TNR: variants seen among roughly 807,000 people sequenced by gnomAD.
TNR encodes the protein tenascin-R.
In TNR, 45 loss-of-function variants were observed where a neutral mutation model predicts 150.4. The ratio of observed to expected loss-of-function variants is 0.30; its 90% CI spans 0.24 to 0.38. The LOEUF is 0.38. TNR is among the 10% of genes least tolerant of loss of function. The pLI, the probability that TNR is intolerant of heterozygous loss-of-function variation, is 1.00. For synonymous variants in TNR, 687 were observed against 678.4 expected, an observed-to-expected ratio of 1.01 and a Z score of -0.20; for missense variants, 1,544 against 1,759.1, an observed-to-expected ratio of 0.88 and a Z score of 2.19.
rs1186112650 is a variant in TNR, at chr1:175,743,262, C to T, written c.-201G>A. 6.6e-6 allele frequency: 1 copy of T among 152,320 alleles called. No homozygotes were observed. Among genetic ancestry groups the T allele is most frequent in the African/African-American group, 2.4e-5 (1 of 41,480 alleles). 9.4% of individuals were successfully genotyped at this position (152,320 alleles called of 1,614,324 possible). On this transcript the variant is annotated 5_prime_UTR_variant, in exon 1 of 23. Transcript: ENST00000367674. ...GTGGGCGGCCGGGGAGCGAGAGGAG[C>T]TTCCTGGGAAGAAAATTCTTGCTTG...
chr1:175,507,457 T>C (rs1223308283), intron 2 of TNR, among the ~76,000 whole-genome samples: 1 of 152,172 alleles, frequency 6.6e-6, no homozygotes, highest in Non-Finnish European at 1.5e-5. Flanking sequence ...TCCTTTGATA[T>C]CATCACCTGA....
Position 175,685,871 on chromosome 1 carries a change from C to T in TNR, c.-165+57355G>A, listed in dbSNP as rs200353599. 1.3e-4 allele frequency among the ~76,000 whole-genome samples: 20 copies of T among 150,868 alleles called. No individual in the cohort carries two copies. The East Asian group carries it at 3.3e-3, about 25-fold the overall frequency. On this transcript the variant is annotated intron_variant, in intron 1 of 22. Coordinates refer to ENST00000367674, the MANE Select transcript of TNR (RefSeq NM_003285.3). ...ATTAGCTGTTTTTTTTTTTTAAGTC[C>T]CCTGACACTGTGGTTCTCATGTGTT...
chr1:175,401,414 C>A (rs1210122672), intron 4 of TNR, among the ~76,000 whole-genome samples: 1 of 152,116 alleles, frequency 6.6e-6, no homozygotes, highest in Non-Finnish European at 1.5e-5. Context: ...GTCAGCCTGG[C>A]TTCCCAGAAG....
intron 1 of TNR, among the ~76,000 whole-genome samples, chr1:175,687,889 A>G (rs1016421841): frequency 5.9e-5 from 9 of 152,012 alleles, no homozygotes. Flanking sequence ...ATACGCTCCA[A>G]TCTTCCAGCA....
chr1:175,634,368 C>T (rs889548652), intron 1 of TNR, among the ~76,000 whole-genome samples: 1 of 152,210 alleles, frequency 6.6e-6, no homozygotes, highest in Admixed American at 6.5e-5. Context: ...CAGCCTTGCC[C>T]TCTGTCTCAC....
At chr1:175,645,085 T>G (rs1056569647) in intron 1 of TNR, among the ~76,000 whole-genome samples, 1 of 146,278 alleles carries the variant, frequency 6.8e-6, no homozygotes. Flanking sequence ...ACTGAATTTT[T>G]TATTACAATT....
intron 1 of TNR, among the ~76,000 whole-genome samples, chr1:175,647,175 C>T (rs1025384630): frequency 6.6e-6 from 1 of 152,202 alleles, no homozygotes. Flanking sequence ...AAAACAGCAA[C>T]TGATTTCGCC....
rs555269808 is a variant in TNR, at chr1:175,579,133, T to TC, written c.-164-50765dup. Reference sequence around the variant, plus strand: ...AGTCCTCCCTCTCTCCCTCCCTCCCTCCCTTCCTCCTATCCTTCCCTTCGT... The same window carrying TC: ...AGTCCTCCCTCTCTCCCTCCCTCCCTCCCCTTCCTCCTATCCTTCCCTTCGT... On this transcript the variant is annotated intron_variant, in intron 1 of 22. Coordinates refer to ENST00000367674, the MANE Select transcript of TNR (RefSeq NM_003285.3). Among the ~76,000 whole-genome samples, 240 of 131,824 alleles carry TC rather than the reference T, an allele frequency of 1.8e-3. 4 individuals carry two copies. The East Asian group carries it at 0.05, about 28-fold the overall frequency. The allele number at this position is 131,824 out of a possible 152,430, so 86.5% of individuals were successfully genotyped here.
chr1:175,445,807 C>T (rs554588688), intron 2 of TNR, among the ~76,000 whole-genome samples: 3 of 152,214 alleles, frequency 2.0e-5, no homozygotes, highest in South Asian at 2.1e-4. Flanking sequence ...CCTATGATTG[C>T]AGTTGTACGT....
At chr1:175,660,662 C>T (rs1423850081) in intron 1 of TNR, among the ~76,000 whole-genome samples, 1 of 152,178 alleles carries the variant, frequency 6.6e-6, no homozygotes, top group Non-Finnish European at 1.5e-5. Context: ...TTATCACAGA[C>T]ATTGGAGAGG....
intron 1 of TNR, among the ~76,000 whole-genome samples, chr1:175,530,694 T>C (rs1308834769): frequency 6.6e-6 from 1 of 151,678 alleles, no homozygotes; most frequent in Non-Finnish European, 1.5e-5. Flanking sequence ...AAGATTATAC[T>C]ATACATGTAG....
At chr1:175,741,980 C>A (rs16849068) in intron 1 of TNR, among the ~76,000 whole-genome samples, 15,918 of 152,182 alleles carry the variant, frequency 0.1, 1,164 homozygotes, top group East Asian at 0.22. Context: ...CAAGAAGCCA[C>A]ATCTCTTTCA....
chr1:175,450,307 C>A (rs1197949792), intron 2 of TNR, among the ~76,000 whole-genome samples: 2 of 152,240 alleles, frequency 1.3e-5, no homozygotes, highest in South Asian at 2.1e-4. Context: ...CCTCTCCCCT[C>A]AGAACCTCAC....
chr1:175,619,665 G>A (rs1404835249), intron 1 of TNR, among the ~76,000 whole-genome samples: 1 of 152,192 alleles, frequency 6.6e-6, no homozygotes, highest in Non-Finnish European at 1.5e-5. Flanking sequence ...TTATAGATGA[G>A]GTAATAGAGT....
chr1:175,557,887 G>A (rs1661239651), intron 1 of TNR, among the ~76,000 whole-genome samples: 1 of 104,986 alleles, frequency 9.5e-6, no homozygotes, highest in African/African-American at 3.5e-5. Context: ...GTCCAACAAC[G>A]ATAGACTGGA....
chr1:175,442,658 G>A (rs1340041950), intron 2 of TNR, among the ~76,000 whole-genome samples: 2 of 151,780 alleles, frequency 1.3e-5, no homozygotes, highest in African/African-American at 4.9e-5. Flanking sequence ...GCCCTGGCAT[G>A]CTTCAGCCAT....
chr1:175,411,085 A>G (rs1654190434), intron 2 of TNR, among the ~76,000 whole-genome samples: 1 of 152,208 alleles, frequency 6.6e-6, no homozygotes, highest in African/African-American at 2.4e-5. Context: ...TAAAATGCTA[A>G]GTATATGGCA....
chr1:175,663,813 C>G (rs1313963518), intron 1 of TNR, among the ~76,000 whole-genome samples: 1 of 152,306 alleles, frequency 6.6e-6, no homozygotes, highest in South Asian at 2.1e-4. Context: ...TACTTTTAGT[C>G]TGGGGAACTG....
intron 17 of TNR, 150 bp downstream of exon 17, chr1:175,355,353 G>C (rs73036274): frequency 1.9e-6 from 2 of 1,079,982 alleles, no homozygotes; most frequent in Non-Finnish European, 2.6e-6. Context: ...TCAACAGCAG[G>C]CTGGGTATCC....
Sources: gnomAD v4.1 joint callset for allele counts (sites outside exome capture counted in the v4.1 genomes callset) on GRCh38, gnomAD v4.1.1 for gene constraint, MANE v1.5 for transcripts, NCBI Gene and HGNC (gene_info 2026-07-23, HGNC 2026-07-21) for gene names.